CPNE4: variants seen among roughly 807,000 people sequenced by gnomAD.
CPNE4 encodes copine-4.
Under a neutral mutation model 67.9 loss-of-function variants are expected in CPNE4, and 25 were observed. That is an observed-to-expected ratio of 0.37 (90% CI 0.27 to 0.51). The LOEUF (loss-of-function observed/expected upper bound fraction) is 0.51. Among genes scored for constraint, CPNE4 ranks in the 20% least tolerant of loss-of-function variants. The probability of loss-of-function intolerance (pLI) is 0.93; values close to 1 mark genes in which losing one functional copy is unlikely to be tolerated. For missense variants in CPNE4, 464 were observed against 690.8 expected (o/e 0.67, Z 3.68); for synonymous variants, 242 against 244.9 (o/e 0.99, Z 0.11).
At chr3:131,564,176 T>A (rs1318053980) in intron 11 of CPNE4, 40 bp downstream of exon 11, 2 of 1,611,312 alleles carry the variant, frequency 1.2e-6, no homozygotes, top group African/African-American at 1.3e-5. Context: ...TGAACCCACA[T>A]GAGAGATGAT....
At chr3:131,564,718 G>A (rs966295482) in intron 10 of CPNE4, among the ~76,000 whole-genome samples, 3 of 151,886 alleles carry the variant, frequency 2.0e-5, no homozygotes, top group Admixed American at 1.3e-4. Context: ...TACACTCCCT[G>A]GGCAGAACAA....
chr3:131,642,495 C>A (rs1002052736), intron 7 of CPNE4, among the ~76,000 whole-genome samples: 4 of 152,134 alleles, frequency 2.6e-5, no homozygotes, highest in African/African-American at 9.7e-5. Context: ...AAATTAAAGT[C>A]TACTTGTGAA....
At chr3:131,535,414 C>A (rs1437338448) in intron 15 of CPNE4, 85 bp from the exon 16 acceptor site, 5 of 1,380,670 alleles carry the variant, frequency 3.6e-6, no homozygotes, top group Non-Finnish European at 4.9e-6. Flanking sequence ...CTGCTCTGGG[C>A]AGCTAAGTTT....
intron 1 of CPNE4, among the ~76,000 whole-genome samples, chr3:131,909,768 T>C (rs2088907514): frequency 6.6e-6 from 1 of 152,160 alleles, no homozygotes; most frequent in Non-Finnish European, 1.5e-5. Flanking sequence ...AAATATGGAT[T>C]GATACATGCA....
chr3:131,702,403 C>T (rs532548671), intron 3 of CPNE4, among the ~76,000 whole-genome samples: 7 of 152,198 alleles, frequency 4.6e-5, no homozygotes, highest in South Asian at 2.1e-4. Flanking sequence ...TTTCTCTGCA[C>T]GTTTTTTCCA....
At chr3:131,778,707 T>C (rs2083353980) in intron 2 of CPNE4, among the ~76,000 whole-genome samples, 1 of 152,090 alleles carries the variant, frequency 6.6e-6, no homozygotes, top group Non-Finnish European at 1.5e-5. Flanking sequence ...AACTCTTTCC[T>C]TCCTGTCTTA....
intron 1 of CPNE4, among the ~76,000 whole-genome samples, chr3:131,921,782 GC>G (rs1200881656): frequency 6.6e-6 from 1 of 152,098 alleles, no homozygotes; most frequent in African/African-American, 2.4e-5. Context: ...AGAGAGTTCT[GC>G]AAGTAGATAC....
chr3:131,800,416 T>G (rs1412600712), intron 2 of CPNE4, among the ~76,000 whole-genome samples: 1 of 152,168 alleles, frequency 6.6e-6, no homozygotes, highest in Non-Finnish European at 1.5e-5. Context: ...TCCTTGCAAG[T>G]GCATAACACT....
chr3:131,691,070 C>T (rs941663440), intron 5 of CPNE4, among the ~76,000 whole-genome samples: 4 of 152,030 alleles, frequency 2.6e-5, no homozygotes, highest in Non-Finnish European at 5.9e-5. Context: ...GTTGGTGAGG[C>T]TGTGGGGAAA....
intron 2 of CPNE4, among the ~76,000 whole-genome samples, chr3:131,833,664 A>C (rs2085458695): frequency 6.6e-6 from 1 of 152,194 alleles, no homozygotes; most frequent in Non-Finnish European, 1.5e-5. Flanking sequence ...GTGCCACTGC[A>C]CTCAACTCTG....
At chr3:132,032,334 G>A (rs1469622493) in intron 1 of CPNE4, among the ~76,000 whole-genome samples, 2 of 152,232 alleles carry the variant, frequency 1.3e-5, no homozygotes, top group East Asian at 1.9e-4. Context: ...AAAGGCATAA[G>A]TTTGATGGCC....
intron 6 of CPNE4, among the ~76,000 whole-genome samples, chr3:131,670,200 C>T (rs2080373329): frequency 6.6e-6 from 1 of 152,128 alleles, no homozygotes; most frequent in African/African-American, 2.4e-5. Flanking sequence ...AGCAAGACAA[C>T]TCTGCTGCTA....
chr3:131,895,509 A>G (rs1342229554), intron 2 of CPNE4, among the ~76,000 whole-genome samples: 1 of 152,098 alleles, frequency 6.6e-6, no homozygotes, highest in African/African-American at 2.4e-5. Context: ...AAAAATAACC[A>G]TTCTACAAAA....
chr3:131,565,910 G>C (rs1409186877), intron 10 of CPNE4, among the ~76,000 whole-genome samples: 3 of 151,754 alleles, frequency 2.0e-5, no homozygotes, highest in Non-Finnish European at 4.4e-5. Context: ...GGAAAGAAGA[G>C]AGAAATAATC....
chr3:131,864,523 A>G lies in CPNE4; in HGVS notation c.180+40741T>C, dbSNP rs541709167. The stretch of plus-strand genomic sequence containing the variant: ...CTCTCTGTTTGTCTGTTATTGGTGT[A>G]TAAGAATGCTTGTGAATTTTGCACA... On this transcript the variant is annotated intron_variant, in intron 2 of 15. Coordinates refer to ENST00000429747, the MANE Select transcript of CPNE4 (RefSeq NM_130808.3). Among the ~76,000 whole-genome samples the G allele has an allele frequency of 4.4e-4, 67 of 152,010 alleles. 1 individual carries two copies. Among genetic ancestry groups the G allele is most frequent in the African/African-American group, 1.6e-3 (67 of 41,466 alleles).
chr3:131,594,486 G>A (rs1298680787), intron 7 of CPNE4, among the ~76,000 whole-genome samples: 1 of 152,066 alleles, frequency 6.6e-6, no homozygotes, highest in African/African-American at 2.4e-5. Context: ...TGGGAAAACT[G>A]GATATTCACA....
intron 3 of CPNE4, 144 bp downstream of exon 3, chr3:131,723,302 C>A: frequency 1.4e-6 from 1 of 692,824 alleles, no homozygotes; most frequent in Non-Finnish European, 2.5e-6. Flanking sequence ...TATGACACCA[C>A]CTGGGAAGTT....
intron 7 of CPNE4, among the ~76,000 whole-genome samples, chr3:131,624,033 G>A (rs1311802027): frequency 6.6e-6 from 1 of 152,164 alleles, no homozygotes; most frequent in African/African-American, 2.4e-5. Context: ...TGGAAGGGCT[G>A]ACCCTTCTCA....
intron 2 of CPNE4, among the ~76,000 whole-genome samples, chr3:131,882,983 C>T (rs371759523): frequency 6.6e-6 from 1 of 152,130 alleles, no homozygotes; most frequent in Non-Finnish European, 1.5e-5. Context: ...TCCCAAAGTG[C>T]TGGGATTACA....
Sources: allele counts gnomAD v4.1 joint callset (sites outside exome capture counted in the v4.1 genomes callset), GRCh38; gene constraint gnomAD v4.1.1; transcripts MANE v1.5; gene names NCBI Gene and HGNC (gene_info 2026-07-23, HGNC 2026-07-21).